The following HACD2 variants were observed in gnomAD, a reference collection of about 807,000 sequenced individuals.
HACD2 encodes the protein very-long-chain (3R)-3-hydroxyacyl-CoA dehydratase 2.
In HACD2, 15 loss-of-function variants were observed where a neutral mutation model predicts 31.0. The observed-to-expected ratio is 0.48, with a 90% CI of 0.32 to 0.75. The LOEUF (loss-of-function observed/expected upper bound fraction) is 0.75, where lower values mean the gene tolerates loss of function less well. HACD2 is among the 30% of genes least tolerant of loss of function. The pLI is 0.03. For missense variants in HACD2, 283 were observed against 313.0 expected, an observed-to-expected ratio of 0.90 and a Z score of 0.72; for synonymous variants, 115 against 122.2, an observed-to-expected ratio of 0.94 and a Z score of 0.39.
intron 3 of HACD2, among the ~76,000 whole-genome samples, chr3:123,555,573 G>C (rs2107735501): frequency 6.6e-6 from 1 of 152,150 alleles, no homozygotes; most frequent in Non-Finnish European, 1.5e-5. Flanking sequence ...AATGATAAAA[G>C]AAATCAAAGA....
chr3:123,517,497 T>G (rs1559906694), intron 4 of HACD2, among the ~76,000 whole-genome samples: 1 of 152,208 alleles, frequency 6.6e-6, no homozygotes, highest in Non-Finnish European at 1.5e-5. Flanking sequence ...AGTCTAAATA[T>G]TCTATGAAGT....
At chr3:123,570,523 T>C (rs1365566501) in intron 2 of HACD2, among the ~76,000 whole-genome samples, 4 of 152,162 alleles carry the variant, frequency 2.6e-5, no homozygotes, top group African/African-American at 4.8e-5. Context: ...TGGAATAACA[T>C]GCTAAAGTAA....
At position 123,502,739 on chromosome 3, in the gene HACD2, T is replaced by C. The variant is rs557155652; in HGVS notation, c.382-58A>G. 7 of 1,539,010 alleles carry C rather than the reference T, an allele frequency of 4.5e-6. No homozygotes were observed. In the African/African-American group the frequency reaches 5.5e-5, roughly 12 times the overall value. The stretch of plus-strand genomic sequence containing the variant: ...ACACAGACAACGTTAATGAAGACAG[T>C]GTGCAGCACCCGGCAGAGCCAGGGA... On this transcript the variant is annotated intron_variant, in intron 4 of 6. Coordinates refer to ENST00000383657, the MANE Select transcript of HACD2 (RefSeq NM_198402.5).
chr3:123,578,123 C>T (rs1182539306), intron 2 of HACD2, among the ~76,000 whole-genome samples: 1 of 152,148 alleles, frequency 6.6e-6, no homozygotes, highest in East Asian at 1.9e-4. Context: ...TGAAATCATA[C>T]TATTTGTGAC....
rs747313870 is a variant in HACD2 at position 123,500,705 on chromosome 3, CA to C, written c.504-13del. 3.8e-6 allele frequency: 6 copies of C among 1,574,938 alleles called. No homozygotes were observed. The highest frequency in any genetic ancestry group is 5.2e-6 in the Non-Finnish European group (6 of 1,162,622). On this transcript the variant is annotated splice_polypyrimidine_tract_variant and intron_variant, in intron 5 of 6. Coordinates refer to ENST00000383657, the MANE Select transcript of HACD2 (RefSeq NM_198402.5). ...TGAAAAGTGTGTACCTAAAACAAAA[CA>C]AAATATTCATTACTGAGGCTCAAAG...
chr3:123,510,435 A>G (rs1360990909), intron 4 of HACD2, among the ~76,000 whole-genome samples: 3 of 152,124 alleles, frequency 2.0e-5, no homozygotes, highest in Non-Finnish European at 4.4e-5. Context: ...TTTAGTGGAG[A>G]CAGGGTTTTG....
chr3:123,520,260 ATACCT>A (rs1199751164), intron 4 of HACD2, among the ~76,000 whole-genome samples: 3 of 152,378 alleles, frequency 2.0e-5, no homozygotes, highest in Admixed American at 6.5e-5. Context: ...CATACCAAAT[ATACCT>A]TATAAATTTT....
intron 3 of HACD2, among the ~76,000 whole-genome samples, chr3:123,540,559 A>C (rs566992517): frequency 5.7e-4 from 87 of 152,364 alleles, no homozygotes; most frequent in African/African-American, 2.0e-3. Flanking sequence ...TCATTCTCTG[A>C]GAGGACACAG....
At chr3:123,498,505 T>A (rs62262455) in intron 6 of HACD2, among the ~76,000 whole-genome samples, 2 of 151,644 alleles carry the variant, frequency 1.3e-5, no homozygotes, top group Non-Finnish European at 2.9e-5. Flanking sequence ...CTCTGCCTCC[T>A]GTCAGACCAG....
intron 3 of HACD2, among the ~76,000 whole-genome samples, chr3:123,565,539 C>T (rs989916146): frequency 1.3e-5 from 2 of 152,318 alleles, no homozygotes; most frequent in Non-Finnish European, 2.9e-5. Flanking sequence ...AATCTGTCAG[C>T]ACCACCTTGA....
At chr3:123,538,506 G>T (rs2056452225) in intron 3 of HACD2, among the ~76,000 whole-genome samples, 2 of 152,164 alleles carry the variant, frequency 1.3e-5, no homozygotes, top group Non-Finnish European at 2.9e-5. Context: ...GTCATCATTG[G>T]TAAGAAGTGT....
chr3:123,576,046 T>G (rs771486239), intron 2 of HACD2, among the ~76,000 whole-genome samples: 2 of 152,168 alleles, frequency 1.3e-5, no homozygotes, highest in Non-Finnish European at 2.9e-5. Context: ...TGGTTCTATA[T>G]ATATTGTTTT....
At chr3:123,540,342 T>C (rs144358249) in intron 3 of HACD2, among the ~76,000 whole-genome samples, 215 of 152,304 alleles carry the variant, frequency 1.4e-3, no homozygotes, top group African/African-American at 4.7e-3. Context: ...CAGAGACCTC[T>C]TAAGGGAATG....
intron 3 of HACD2, among the ~76,000 whole-genome samples, chr3:123,539,109 G>A (rs1415510186): frequency 6.6e-6 from 1 of 152,134 alleles, no homozygotes; most frequent in African/African-American, 2.4e-5. Context: ...AACTTTGGGG[G>A]AAATCCATTT....
intron 2 of HACD2, among the ~76,000 whole-genome samples, chr3:123,574,825 A>G (rs1237750618): frequency 2.6e-5 from 4 of 152,140 alleles, no homozygotes; most frequent in Non-Finnish European, 4.4e-5. Context: ...CTTTTTCAGT[A>G]TCTGCAATTG....
chr3:123,506,740 T>G (rs957309808), intron 4 of HACD2, among the ~76,000 whole-genome samples: 1 of 152,188 alleles, frequency 6.6e-6, no homozygotes, highest in African/African-American at 2.4e-5. Flanking sequence ...TGGCCACTTT[T>G]CTATTTTGAA....
chr3:123,541,192 G>A (rs2056486594), intron 3 of HACD2, among the ~76,000 whole-genome samples: 1 of 152,026 alleles, frequency 6.6e-6, no homozygotes, highest in South Asian at 2.1e-4. Flanking sequence ...AATTGCTTGA[G>A]CCTGAGAGGC....
At chr3:123,500,473 A>G in intron 6 of HACD2, 42 bp downstream of exon 6, 1 of 1,386,250 alleles carries the variant, frequency 7.2e-7, no homozygotes, top group Middle Eastern at 2.0e-4. Context: ...GTAGAGCCAA[A>G]TTTTAAAACA....
chr3:123,576,917 T>C (rs2056913512), intron 2 of HACD2, among the ~76,000 whole-genome samples: 1 of 152,166 alleles, frequency 6.6e-6, no homozygotes, highest in Admixed American at 6.5e-5. Flanking sequence ...CTGAAGAGCA[T>C]TGTGAAGTGA....
Sources: allele counts gnomAD v4.1 joint callset (sites outside exome capture counted in the v4.1 genomes callset), GRCh38; gene constraint gnomAD v4.1.1; transcripts MANE v1.5; gene names NCBI Gene and HGNC (gene_info 2026-07-23, HGNC 2026-07-21).